Variants in BHLHE40 observed in about 807,000 individuals in gnomAD.
BHLHE40 encodes the protein basic helix-loop-helix family member e40.
In BHLHE40, 3 loss-of-function variants were observed where a neutral mutation model predicts 35.7. That is an observed-to-expected ratio of 0.08 (90% CI 0.04 to 0.22). The LOEUF is 0.22. BHLHE40 is among the 10% of genes least tolerant of loss of function. BHLHE40 has a pLI of 1.00. For missense variants in BHLHE40, 486 were observed against 524.0 expected (o/e 0.93, Z 0.71); for synonymous variants, 236 against 213.0 (o/e 1.11, Z -0.94).
rs148919791 is a variant in BHLHE40 at position 4,984,983 on chromosome 3, T to A, written c.*1291T>A. On this transcript the variant is annotated 3_prime_UTR_variant, in exon 5 of 5. Coordinates refer to ENST00000256495, the MANE Select transcript of BHLHE40 (RefSeq NM_003670.3). ...ATGTTTATTTGTATAATTACTTGAT[T>A]CACACAGTGAGAAAAAATGAATGTA... is the stretch of plus-strand genomic sequence containing the variant. The A allele has an allele frequency of 1.6e-3, 243 of 152,448 alleles. 1 individual carries two copies. The highest frequency in any genetic ancestry group is 5.3e-3 in the African/African-American group (222 of 41,544). 9.4% of individuals were successfully genotyped at this position (152,448 alleles called of 1,614,324 possible).
At chr3:4,980,161 T>G in intron 2 of BHLHE40, 130 bp downstream of exon 2, 1 of 1,153,234 alleles carries the variant, frequency 8.7e-7, no homozygotes, top group Non-Finnish European at 1.3e-6. Flanking sequence ...TCTGAGTGAC[T>G]TGGAAAAGAA....
intron 3 of BHLHE40, among the ~76,000 whole-genome samples, chr3:4,980,747 A>G (rs2106496648): frequency 6.6e-6 from 1 of 151,332 alleles, no homozygotes; most frequent in East Asian, 1.9e-4. Flanking sequence ...CTTCCCCTCT[A>G]CCACTCCCCC....
chr3:4,980,815 G>T (rs928286360), intron 3 of BHLHE40, among the ~76,000 whole-genome samples: 1 of 151,876 alleles, frequency 6.6e-6, no homozygotes, highest in African/African-American at 2.4e-5. Context: ...TGATTTTTAC[G>T]GCCTGTCCTT....
intron 2 of BHLHE40, 125 bp from the exon 3 acceptor site, chr3:4,980,176 C>T (rs983616793): frequency 8.9e-7 from 1 of 1,124,494 alleles, no homozygotes; most frequent in Non-Finnish European, 1.3e-6. Context: ...AAAGAAAGGG[C>T]AGACGATGGT....
chr3:4,980,280 G>A (rs1575513457), intron 2 of BHLHE40, 21 bp from the exon 3 acceptor site: 1 of 1,607,212 alleles, frequency 6.2e-7, no homozygotes, highest in Non-Finnish European at 8.5e-7. Context: ...AGCGCCCACC[G>A]CCTCCCCGTG....
In BHLHE40 at chr3:4,979,540, C is replaced by G; in HGVS notation, c.-179C>G. 3.0e-6 allele frequency: 2 copies of G among 660,456 alleles called. No individual in the cohort carries two copies. The highest frequency in any genetic ancestry group is 5.1e-6 in the Non-Finnish European group (2 of 390,196). 40.9% of individuals were successfully genotyped at this position (660,456 alleles called of 1,614,324 possible). ...GGCCGCGGGGACACCGGGCCATGCACGCCCCCAACTGAAGCTGCATCTCAA... is the reference window on the plus strand; with the variant it reads ...GGCCGCGGGGACACCGGGCCATGCAGGCCCCCAACTGAAGCTGCATCTCAA... On this transcript the variant is annotated 5_prime_UTR_variant, in exon 1 of 5. Coordinates refer to ENST00000256495, the MANE Select transcript of BHLHE40 (RefSeq NM_003670.3).
chr3:4,979,601 A>G lies in BHLHE40; in HGVS notation c.-118A>G. On this transcript the variant is annotated 5_prime_UTR_variant, in exon 1 of 5. Transcript: ENST00000256495. ...TCCAGCAGCCCAGGGGATTTCAAAG[A>G]GCTCAGACTCAGAGGAACATCTGCG... 9.5e-7 allele frequency: 1 copy of G among 1,049,198 alleles called. No individual in the cohort carries two copies. The highest frequency in any genetic ancestry group is 1.4e-6 in the Non-Finnish European group (1 of 725,534). The allele number at this position is 1,049,198 out of a possible 1,614,324, so 65.0% of individuals were successfully genotyped here. A position where few individuals can be genotyped will look rare whatever the true frequency, so the allele number is the denominator to read the frequency against.
In BHLHE40 at chr3:4,983,447, G is replaced by A; in HGVS notation, c.994G>A (p.Ala332Thr). ...CLPFYLIPPSATAYLPMLEKC... is the reference protein window; with the variant it reads ...CLPFYLIPPSTTAYLPMLEKC... ...GCCCTTCTACCTGATCCCACCTTCA[G>A]CGACTGCCTACCTGCCCATGCTGGA... is the stretch of plus-strand genomic sequence containing the variant. Residue 332 changes from alanine (A) to threonine (T), a missense_variant, in exon 5 of 5, where the codon GCG becomes ACG. Around this residue, in one of 5 missense-constraint regions of BHLHE40, gnomAD observed 206 missense variants for 208.9 expected, o/e 0.99. Coordinates refer to ENST00000256495, the MANE Select transcript of BHLHE40 (RefSeq NM_003670.3). The surrounding 1 kb of genome is among the most constrained non-coding windows in gnomAD (Gnocchi z 5.0). The A allele has an allele frequency of 6.2e-7, 1 of 1,614,156 alleles. No individual in the cohort carries two copies. Among genetic ancestry groups the A allele is most frequent in the South Asian group, 1.1e-5 (1 of 91,086 alleles).
intron 2 of BHLHE40, 61 bp from the exon 3 acceptor site, chr3:4,980,240 G>A (rs2053180163): frequency 1.4e-6 from 2 of 1,432,680 alleles, no homozygotes; most frequent in South Asian, 1.2e-5. Context: ...CTGCGGGGCT[G>A]GGAGGATAGG....
rs752250849 is a variant in BHLHE40 at position 4,980,423 on chromosome 3, G to A, written c.258+15G>A. 1.9e-6 allele frequency: 3 copies of A among 1,608,378 alleles called. No individual in the cohort carries two copies. The highest frequency in any genetic ancestry group is 3.3e-5 in the Admixed American group (2 of 59,972). ...TCAAACTTACAGTAAGTGAGAAGCT[G>A]GCCCCTTTCCAACCCAGTCCTTTGC... is the stretch of plus-strand genomic sequence containing the variant. On this transcript the variant is annotated intron_variant, in intron 3 of 4. Transcript: ENST00000256495.
chr3:4,979,528 C>T lies in BHLHE40; in HGVS notation c.-191C>T. The T allele has an allele frequency of 3.2e-6, 2 of 631,876 alleles. No individual in the cohort carries two copies. The highest frequency in any genetic ancestry group is 5.5e-6 in the Non-Finnish European group (2 of 365,396). 39.1% of individuals were successfully genotyped at this position (631,876 alleles called of 1,614,324 possible). A position where few individuals can be genotyped will look rare whatever the true frequency, so the allele number is the denominator to read the frequency against. On this transcript the variant is annotated 5_prime_UTR_variant, in exon 1 of 5. Transcript: ENST00000256495. The stretch of plus-strand genomic sequence containing the variant: ...GTCGGAGCCAGAGGCCGCGGGGACA[C>T]CGGGCCATGCACGCCCCCAACTGAA...
At chr3:4,981,254 G>A in intron 3 of BHLHE40, 138 bp from the exon 4 acceptor site, 1 of 906,050 alleles carries the variant, frequency 1.1e-6, no homozygotes, top group Non-Finnish European at 1.6e-6. Flanking sequence ...TTAAAAGCAT[G>A]ACCTACAGAC....
chr3:4,980,204 T>C, intron 2 of BHLHE40, 97 bp from the exon 3 acceptor site: 1 of 1,219,100 alleles, frequency 8.2e-7, no homozygotes, highest in African/African-American at 1.5e-5. Flanking sequence ...GCTACTCTGC[T>C]ACTCTGCTCC....
rs755820485 is a variant in BHLHE40, at chr3:4,983,420, C to T, written c.967C>T (p.Leu323=). 4 of 1,614,200 alleles carry T rather than the reference C, an allele frequency of 2.5e-6. No individual in the cohort carries two copies. Among genetic ancestry groups the T allele is most frequent in the Non-Finnish European group, 3.4e-6 (4 of 1,180,038 alleles). The change falls in exon 5 of 5, where the codon CTG becomes TTG. Residue 323 remains leucine, a synonymous_variant. Coordinates refer to ENST00000256495, the MANE Select transcript of BHLHE40 (RefSeq NM_003670.3). This position sits in a 1 kb window ranked among gnomAD's most constrained non-coding sequence, Gnocchi z 5.0. The part of the protein sequence containing the change: ...GPHPHQPPFC[L]PFYLIPPSAT... ...ACACCCACACCAGCCTCCTTTCTGC[C>T]TGCCCTTCTACCTGATCCCACCTTC...
chr3:4,983,980 C>A lies in BHLHE40; in HGVS notation c.*288C>A. On this transcript the variant is annotated 3_prime_UTR_variant, in exon 5 of 5. Transcript: ENST00000256495. This position sits in a 1 kb window ranked among gnomAD's most constrained non-coding sequence, Gnocchi z 5.0. ...ACTTGGGGGGGATTGTAGCAGACGT[C>A]TGGGCTTTTCCCCACCCAGAGAATA... The A allele has an allele frequency of 2.5e-6, 1 of 395,256 alleles. No individual in the cohort carries two copies. The allele number at this position is 395,256 out of a possible 1,614,324, so 24.5% of individuals were successfully genotyped here.
rs903677091 is a variant in BHLHE40, at chr3:4,984,273, T to C, written c.*581T>C. The C allele has an allele frequency of 6.5e-6, 1 of 153,012 alleles. No homozygotes were observed. Among genetic ancestry groups the C allele is most frequent in the African/African-American group, 2.4e-5 (1 of 41,408 alleles). The allele number at this position is 153,012 out of a possible 1,614,324, so 9.5% of individuals were successfully genotyped here. On this transcript the variant is annotated 3_prime_UTR_variant, in exon 5 of 5. Coordinates refer to ENST00000256495, the MANE Select transcript of BHLHE40 (RefSeq NM_003670.3). Reference sequence around the variant, plus strand: ...GGTAGCAGGCACTGGCATAGCACGGTAGTGGTTTGGGGAGGTTTCCGCAGG... The same window carrying C: ...GGTAGCAGGCACTGGCATAGCACGGCAGTGGTTTGGGGAGGTTTCCGCAGG...
chr3:4,982,203 C>G (rs879143725), intron 4 of BHLHE40, among the ~76,000 whole-genome samples: 1 of 152,152 alleles, frequency 6.6e-6, no homozygotes, highest in Admixed American at 6.5e-5. Context: ...ATGAAAATTG[C>G]AAAAACCCAG....
At position 4,979,979 on chromosome 3, in the gene BHLHE40, T is replaced by A; in HGVS notation, c.98T>A (p.Met33Lys). 6.2e-7 allele frequency: 1 copy of A among 1,614,136 alleles called. No individual in the cohort carries two copies. The highest frequency in any genetic ancestry group is 1.1e-5 in the South Asian group (1 of 91,082). Reference sequence around the variant, plus strand: ...TCCTGCAGGATGTACCCTGCCCACATGTACCAAGTGTACAAGTCAAGACGG... The same window carrying A: ...TCCTGCAGGATGTACCCTGCCCACAAGTACCAAGTGTACAAGTCAAGACGG... ...GDLPGMYPAH[M>K]YQVYKSRRGI... is the part of the protein sequence containing the mutation. The change falls in exon 2 of 5, where the codon ATG becomes AAG. Residue 33 changes from methionine (M) to lysine (K), a missense_variant. Transcript: ENST00000256495.
At chr3:4,981,621 T>C (rs570316014) in intron 4 of BHLHE40, 106 bp downstream of exon 4, 1 of 1,413,154 alleles carries the variant, frequency 7.1e-7, no homozygotes, top group Admixed American at 2.3e-5. Flanking sequence ...AAATTGCTTA[T>C]GCACGTTCAT....
Sources: allele counts gnomAD v4.1 joint callset (sites outside exome capture counted in the v4.1 genomes callset), GRCh38; gene constraint gnomAD v4.1.1; regional missense constraint gnomAD v4.1.1; non-coding constraint Gnocchi (gnomAD v3.1); transcripts MANE v1.5; gene names NCBI Gene and HGNC (gene_info 2026-07-23, HGNC 2026-07-21).